The following NSMCE4A variants were observed in gnomAD, a reference collection of about 807,000 sequenced individuals.
The protein encoded by NSMCE4A is non-structural maintenance of chromosomes element 4 homolog A.
A neutral mutation model predicts 47.9 loss-of-function variants in NSMCE4A; 40 were observed. The ratio of observed to expected loss-of-function variants is 0.83; its 90% CI spans 0.65 to 1.09. The LOEUF is 1.09. Among genes scored for constraint, NSMCE4A ranks in the 50% least tolerant of loss-of-function variants. The pLI, the probability that NSMCE4A is intolerant of heterozygous loss-of-function variation, is 0.00. For synonymous variants in NSMCE4A, 166 were observed against 178.5 expected (o/e 0.93, Z 0.56); for missense variants, 500 against 507.0 (o/e 0.99, Z 0.13).
intron 3 of NSMCE4A, 126 bp from the exon 4 acceptor site, chr10:121,967,932 G>A (rs981490117): frequency 2.3e-6 from 2 of 887,810 alleles, no homozygotes; most frequent in Admixed American, 2.8e-5. Context: ...GTCTTAACAT[G>A]CTGGCTAAAT....
chr10:121,973,209 C>A (rs1228888967), intron 2 of NSMCE4A, among the ~76,000 whole-genome samples: 1 of 145,412 alleles, frequency 6.9e-6, no homozygotes, highest in Non-Finnish European at 1.5e-5. Context: ...GCACTCCAGC[C>A]TGGGCAACAG....
intron 2 of NSMCE4A, among the ~76,000 whole-genome samples, chr10:121,973,534 G>A (rs781533381): frequency 1.3e-5 from 2 of 152,170 alleles, no homozygotes; most frequent in African/African-American, 4.8e-5. Flanking sequence ...CCAGACTGGA[G>A]ACCAGCAGGT....
chr10:121,974,789 G>A (rs1408780459), intron 1 of NSMCE4A, 85 bp downstream of exon 1: 10 of 1,211,798 alleles, frequency 8.3e-6, no homozygotes, highest in Admixed American at 4.4e-5. Flanking sequence ...CCCGGCACCT[G>A]CCTCCGGTGC....
chr10:121,970,341 A>G (rs998102353), intron 3 of NSMCE4A, among the ~76,000 whole-genome samples: 13 of 151,832 alleles, frequency 8.6e-5, no homozygotes, highest in South Asian at 4.2e-4. Context: ...GCGTGGTGGC[A>G]GGCGCCTGTA....
At chr10:121,961,155 T>G (rs2134737626) in intron 7 of NSMCE4A, among the ~76,000 whole-genome samples, 1 of 152,312 alleles carries the variant, frequency 6.6e-6, no homozygotes, top group South Asian at 2.1e-4. Flanking sequence ...AATTTAACAT[T>G]TATACCATAC....
At chr10:121,958,755 TAAAAAC>T (rs151284184) in intron 10 of NSMCE4A, among the ~76,000 whole-genome samples, 9 of 151,982 alleles carry the variant, frequency 5.9e-5, no homozygotes, top group Non-Finnish European at 7.4e-5. Context: ...TATTTTTTAT[TAAAAAC>T]AAAAACAAAA....
chr10:121,962,102 T>C (rs1478822892), intron 6 of NSMCE4A: 2 of 325,008 alleles, frequency 6.2e-6, no homozygotes, highest in Admixed American at 4.1e-5. Context: ...AGAGTGAGAC[T>C]GTCTCCTAAA....
chr10:121,957,296 A>C (rs1026642138), intron 10 of NSMCE4A, 37 bp from the exon 11 acceptor site: 8 of 152,632 alleles, frequency 5.2e-5, no homozygotes, highest in Non-Finnish European at 1.2e-4. Flanking sequence ...ACAGTTTATA[A>C]ATGATAAACC....
intron 10 of NSMCE4A, among the ~76,000 whole-genome samples, chr10:121,958,334 G>A (rs1952437211): frequency 6.6e-6 from 1 of 152,112 alleles, no homozygotes; most frequent in Admixed American, 6.6e-5. Context: ...TAGAATCTAG[G>A]TCTTCTGATT....
At chr10:121,966,849 G>A (rs1189917846) in intron 4 of NSMCE4A, 1 of 152,198 alleles carries the variant, frequency 6.6e-6, no homozygotes, top group Non-Finnish European at 1.5e-5. Context: ...AGTTAAGACA[G>A]AAGCCAACTT....
At chr10:121,957,874 T>G (rs989196931) in intron 10 of NSMCE4A, among the ~76,000 whole-genome samples, 1 of 152,062 alleles carries the variant, frequency 6.6e-6, no homozygotes, top group African/African-American at 2.4e-5. Context: ...GAAAAAAAAT[T>G]CTTAGCAATG....
At position 121,971,704 on chromosome 10, in the gene NSMCE4A, C is replaced by T. The variant is rs143593101; in HGVS notation, c.371-635G>A. On this transcript the variant is annotated intron_variant, in intron 2 of 10. Transcript: ENST00000369023. ...CTCACTTTTCCCTCCATCCTAATCA[C>T]GATGATCATGTGTGCTGACGTAAGG... Among the ~76,000 whole-genome samples the T allele has an allele frequency of 2.7e-3, 405 of 152,278 alleles. 3 individuals carry two copies. Among genetic ancestry groups the T allele is most frequent in the African/African-American group, 9.4e-3 (389 of 41,550 alleles).
chr10:121,971,151 C>T (rs1952701143), intron 2 of NSMCE4A, 82 bp from the exon 3 acceptor site: 1 of 1,215,056 alleles, frequency 8.2e-7, no homozygotes. Context: ...CAACTACTTA[C>T]CAGGATTTCC....
In NSMCE4A at chr10:121,974,449, G is replaced by A. The variant is rs868578969; in HGVS notation, c.293-368C>T. 23 of 1,011,030 alleles carry A rather than the reference G, an allele frequency of 2.3e-5. No individual in the cohort carries two copies. The African/African-American group carries it at 3.6e-4, about 16-fold the overall frequency. The allele number at this position is 1,011,030 out of a possible 1,614,324, so 62.6% of individuals were successfully genotyped here. ...CCCACCCAGAGATTCGAATTCCGCG[G>A]GTCCGGGTGGGGTCCGAGAACGTGC... On this transcript the variant is annotated intron_variant, in intron 1 of 10. Coordinates refer to ENST00000369023, the MANE Select transcript of NSMCE4A (RefSeq NM_017615.3).
At chr10:121,962,375 C>T (rs574034979) in intron 6 of NSMCE4A, among the ~76,000 whole-genome samples, 69 of 148,694 alleles carry the variant, frequency 4.6e-4, no homozygotes, top group African/African-American at 9.9e-4. Context: ...GCCAAGATCG[C>T]GCCACTGCAC....
rs1952784734 is a variant in NSMCE4A, at chr10:121,974,746, G to T, written c.292+128C>A. On this transcript the variant is annotated intron_variant, in intron 1 of 10. Coordinates refer to ENST00000369023, the MANE Select transcript of NSMCE4A (RefSeq NM_017615.3). ...AGGTGCGGCGAGGGGCTGGCACCCG[G>T]CGCGTCTCTACTAACGCCGCGCCGG... 4 of 1,155,926 alleles carry T rather than the reference G, an allele frequency of 3.5e-6. No individual in the cohort carries two copies. In the South Asian group the frequency reaches 1.3e-4, roughly 37 times the overall value. The allele number at this position is 1,155,926 out of a possible 1,614,324, so 71.6% of individuals were successfully genotyped here.
chr10:121,957,794 C>T (rs1275311949), intron 10 of NSMCE4A, among the ~76,000 whole-genome samples: 1 of 151,862 alleles, frequency 6.6e-6, no homozygotes, highest in East Asian at 1.9e-4. Flanking sequence ...TTAATTGAAG[C>T]ACATATTAAG....
intron 3 of NSMCE4A, among the ~76,000 whole-genome samples, chr10:121,968,926 T>C (rs1952654565): frequency 1.3e-5 from 2 of 152,228 alleles, no homozygotes; most frequent in South Asian, 2.1e-4. Context: ...TCTTTCCTTA[T>C]AGTGTCTATA....
intron 3 of NSMCE4A, among the ~76,000 whole-genome samples, chr10:121,970,385 T>G (rs4752627): frequency 6.8e-5 from 10 of 147,280 alleles, no homozygotes; most frequent in Non-Finnish European, 1.0e-4. Flanking sequence ...GACAGGAGAA[T>G]GGCGTGAACC....
Sources: gnomAD v4.1 joint callset for allele counts (sites outside exome capture counted in the v4.1 genomes callset) on GRCh38, gnomAD v4.1.1 for gene constraint, MANE v1.5 for transcripts, NCBI Gene and HGNC (gene_info 2026-07-23, HGNC 2026-07-21) for gene names.